CDH13: variants seen among roughly 807,000 people sequenced by gnomAD.
CDH13 encodes cadherin 13.
In CDH13, 24 loss-of-function variants were observed where a neutral mutation model predicts 63.8. The observed-to-expected ratio is 0.38, with a 90% CI of 0.27 to 0.53. The LOEUF (loss-of-function observed/expected upper bound fraction) is 0.53. Ranked by LOEUF, CDH13 falls within the 20% of genes least tolerant of loss-of-function variation. CDH13 has a pLI of 0.85. For synonymous variants in CDH13, 503 were observed against 355.3 expected (o/e 1.42, Z -4.67); for missense variants, 1,049 against 903.1 (o/e 1.16, Z -2.07).
chr16:82,810,904 A>G (rs7197267), intron 1 of CDH13, among the ~76,000 whole-genome samples: 3,770 of 152,156 alleles, frequency 0.025, 154 homozygotes, highest in African/African-American at 0.086. Flanking sequence ...GTATCAGGAC[A>G]TGGAGGTCTT....
chr16:83,437,547 C>T (rs2072344431), intron 6 of CDH13, among the ~76,000 whole-genome samples: 1 of 151,960 alleles, frequency 6.6e-6, no homozygotes. Context: ...CGTAGTGGGA[C>T]ATGCCTGTAG....
At chr16:83,215,177 A>G (rs1442940631) in intron 4 of CDH13, among the ~76,000 whole-genome samples, 1 of 127,290 alleles carries the variant, frequency 7.9e-6, no homozygotes, top group Non-Finnish European at 1.6e-5. Flanking sequence ...CCCAGATTCA[A>G]GCGATTCTGC....
At chr16:82,700,793 G>GTA (rs1350380096) in intron 1 of CDH13, among the ~76,000 whole-genome samples, 5 of 151,904 alleles carry the variant, frequency 3.3e-5, no homozygotes, top group Non-Finnish European at 5.9e-5. Context: ...TTGTTTTCTG[G>GTA]TATGACTTCC....
At chr16:83,042,094 A>G (rs1917379509) in intron 3 of CDH13, among the ~76,000 whole-genome samples, 1 of 152,166 alleles carries the variant, frequency 6.6e-6, no homozygotes, top group African/African-American at 2.4e-5. Flanking sequence ...CCATGATGCC[A>G]TCTAACCTTC....
chr16:83,789,512 A>C (rs1249493915), intron 13 of CDH13, among the ~76,000 whole-genome samples: 1 of 151,706 alleles, frequency 6.6e-6, no homozygotes, highest in Non-Finnish European at 1.5e-5. Context: ...ACGCCCAGCT[A>C]ATTTTTTTGT....
At chr16:82,903,930 G>A (rs2041555870) in intron 2 of CDH13, among the ~76,000 whole-genome samples, 1 of 152,130 alleles carries the variant, frequency 6.6e-6, no homozygotes, top group Admixed American at 6.6e-5. Flanking sequence ...CTAAAGCCCA[G>A]TCTGTCTGTC....
Position 83,631,158 on chromosome 16 carries a change from C to T in CDH13, c.1101+28564C>T, listed in dbSNP as rs928884328. 2.6e-5 allele frequency among the ~76,000 whole-genome samples: 4 copies of T among 152,260 alleles called. No homozygotes were observed. In the East Asian group the frequency reaches 7.7e-4, roughly 29 times the overall value. On this transcript the variant is annotated intron_variant, in intron 8 of 13. Coordinates refer to ENST00000567109, the MANE Select transcript of CDH13 (RefSeq NM_001257.5). The stretch of plus-strand genomic sequence containing the variant: ...GCAGCCAGCAGATGCAGTCAACGAG[C>T]GCAAGTTGTAAAGGCTGCAGAATGA...
chr16:83,150,037 A>T (rs2036909024), intron 4 of CDH13, among the ~76,000 whole-genome samples: 1 of 152,108 alleles, frequency 6.6e-6, no homozygotes, highest in Non-Finnish European at 1.5e-5. Flanking sequence ...CCTCTTCCAC[A>T]TTCACCTGTA....
At chr16:83,732,269 T>C (rs1184531282) in intron 10 of CDH13, among the ~76,000 whole-genome samples, 6 of 152,156 alleles carry the variant, frequency 3.9e-5, no homozygotes, top group Non-Finnish European at 5.9e-5. Context: ...CCACCTTAGA[T>C]GGGCTGGTTA....
chr16:83,244,802 C>T (rs1039241244), intron 5 of CDH13, among the ~76,000 whole-genome samples: 4 of 152,102 alleles, frequency 2.6e-5, no homozygotes, highest in Non-Finnish European at 5.9e-5. Flanking sequence ...ATAGTGACAA[C>T]GAGTATAAAA....
At chr16:82,725,077 G>T (rs2033016048) in intron 1 of CDH13, among the ~76,000 whole-genome samples, 1 of 152,096 alleles carries the variant, frequency 6.6e-6, no homozygotes, top group Admixed American at 6.6e-5. Flanking sequence ...GATGGTCATG[G>T]TGATGGTGAT....
chr16:83,046,003 T>C (rs1917747960), intron 3 of CDH13, among the ~76,000 whole-genome samples: 1 of 152,240 alleles, frequency 6.6e-6, no homozygotes, highest in South Asian at 2.1e-4. Context: ...TGTGTGATAG[T>C]TGCCAGGGTG....
intron 1 of CDH13, among the ~76,000 whole-genome samples, chr16:82,805,229 C>T (rs1313310951): frequency 6.6e-6 from 1 of 152,070 alleles, no homozygotes; most frequent in Non-Finnish European, 1.5e-5. Context: ...AGAGGTCTTG[C>T]AACCTAAAAG....
chr16:83,294,616 G>GTA (rs137898983), intron 5 of CDH13, among the ~76,000 whole-genome samples: 69,953 of 149,892 alleles, frequency 0.47, 16,800 homozygotes, highest in South Asian at 0.64. Context: ...GTGTGTGTGT[G>GTA]TGTATATATA....
In CDH13 at chr16:83,189,904, A is replaced by G. The variant is rs537984569; in HGVS notation, c.484-27441A>G. On this transcript the variant is annotated intron_variant, in intron 4 of 13. Coordinates refer to ENST00000567109, the MANE Select transcript of CDH13 (RefSeq NM_001257.5). ...GTTCTCATGATAGTGAGTAAGTCTCATGAGATCTGATGGTTTTATAAGTGG... is the reference window on the plus strand; with the variant it reads ...GTTCTCATGATAGTGAGTAAGTCTCGTGAGATCTGATGGTTTTATAAGTGG... 7.9e-5 allele frequency among the ~76,000 whole-genome samples: 12 copies of G among 152,272 alleles called. No homozygotes were observed. In the East Asian group the frequency reaches 2.3e-3, roughly 29 times the overall value.
chr16:83,684,498 C>T (rs1395691443), intron 10 of CDH13, among the ~76,000 whole-genome samples: 1 of 152,172 alleles, frequency 6.6e-6, no homozygotes, highest in Non-Finnish European at 1.5e-5. Flanking sequence ...GATTTGGTTA[C>T]ATTAGGGAGG....
At chr16:83,362,440 C>A (rs1329291405) in intron 6 of CDH13, among the ~76,000 whole-genome samples, 2 of 152,130 alleles carry the variant, frequency 1.3e-5, no homozygotes, top group Non-Finnish European at 2.9e-5. Flanking sequence ...TCTCTTTTTG[C>A]CCTAGGCAAT....
intron 1 of CDH13, among the ~76,000 whole-genome samples, chr16:82,844,227 A>G (rs1234312982): frequency 1.3e-5 from 2 of 152,210 alleles, no homozygotes; most frequent in African/African-American, 4.8e-5. Flanking sequence ...AGAAGAGGCC[A>G]TGCTGCTGGC....
At chr16:83,444,609 C>T (rs1168798924) in intron 6 of CDH13, among the ~76,000 whole-genome samples, 1 of 152,068 alleles carries the variant, frequency 6.6e-6, no homozygotes, top group Non-Finnish European at 1.5e-5. Flanking sequence ...GTCATAGTGC[C>T]CAAGGAATTT....
Sources: allele counts gnomAD v4.1 joint callset (sites outside exome capture counted in the v4.1 genomes callset), GRCh38; gene constraint gnomAD v4.1.1; transcripts MANE v1.5; gene names NCBI Gene and HGNC (gene_info 2026-07-23, HGNC 2026-07-21).